DCLK3: variants seen among roughly 807,000 people sequenced by gnomAD.
DCLK3 encodes the protein serine/threonine-protein kinase DCLK3.
DCLK3 carries 30 observed loss-of-function variants against 46.4 expected under a neutral mutation model. That is an observed-to-expected ratio of 0.65 (90% CI 0.48 to 0.88). The LOEUF is 0.88. Ranked by LOEUF, DCLK3 falls within the 40% of genes least tolerant of loss-of-function variation. DCLK3 has a pLI of 0.00. For missense variants in DCLK3, 846 were observed against 907.1 expected, an observed-to-expected ratio of 0.93 and a Z score of 0.87; for synonymous variants, 401 against 339.2, an observed-to-expected ratio of 1.18 and a Z score of -2.00.
rs569835412 is a variant in DCLK3 at position 36,761,333 on chromosome 3, G to A, written c.82+2849C>T. On this transcript the variant is annotated intron_variant, in intron 1 of 4. Coordinates refer to ENST00000636136, the MANE Select transcript of DCLK3 (RefSeq NM_001394672.2). ...CTGAACAATTGCTATTAAATGAATG[G>A]TGAAGATACTGAGGTTCCTAGAGAA... Among the ~76,000 whole-genome samples, 13 of 152,234 alleles carry A rather than the reference G, an allele frequency of 8.5e-5. No homozygotes were observed. The South Asian group carries it at 2.5e-3, about 29-fold the overall frequency.
intron 2 of DCLK3, among the ~76,000 whole-genome samples, chr3:36,736,946 G>C (rs932906756): frequency 2.0e-5 from 3 of 152,156 alleles, no homozygotes; most frequent in African/African-American, 7.2e-5. Context: ...CAAGACAAAA[G>C]CATTTTTCTC....
intron 3 of DCLK3, among the ~76,000 whole-genome samples, chr3:36,719,754 A>G (rs1387986193): frequency 6.6e-6 from 1 of 152,230 alleles, no homozygotes; most frequent in Admixed American, 6.5e-5. Context: ...CCATCCTGAT[A>G]TCGCTACAAA....
intron 1 of DCLK3, among the ~76,000 whole-genome samples, chr3:36,760,467 G>T (rs1701528703): frequency 6.8e-6 from 1 of 147,492 alleles, no homozygotes; most frequent in African/African-American, 2.5e-5. Flanking sequence ...CACACACCGG[G>T]ACCTGTTGTG....
At chr3:36,733,102 C>T (rs1451735509) in intron 2 of DCLK3, among the ~76,000 whole-genome samples, 1 of 152,186 alleles carries the variant, frequency 6.6e-6, no homozygotes, top group African/African-American at 2.4e-5. Context: ...CTTCCTAGAA[C>T]CAGCAGGAGG....
rs1274458490 is a variant in DCLK3, at chr3:36,738,393, C to T, written c.774G>A (p.Ala258=). ...CCCTCCCCCACTTCTTCTGGGTCCT[C>T]GCTCTGTCATCTAGTGAAAGCTCCT... ...IPEELSLDDR[A]RTQKKWGRGK... is the part of the protein sequence containing the mutation. Residue 258 remains alanine (A), a synonymous_variant, in exon 2 of 5, where the codon GCG becomes GCA. Transcript: ENST00000636136. 14 of 1,495,832 alleles carry T rather than the reference C, an allele frequency of 9.4e-6. No homozygotes were observed. The highest frequency in any genetic ancestry group is 2.4e-5 in the Admixed American group (1 of 40,820). 92.7% of individuals were successfully genotyped at this position (1,495,832 alleles called of 1,614,324 possible).
chr3:36,723,964 C>T (rs1701094561), intron 2 of DCLK3, among the ~76,000 whole-genome samples: 1 of 152,174 alleles, frequency 6.6e-6, no homozygotes, highest in South Asian at 2.1e-4. Flanking sequence ...TACCATGCAC[C>T]TAGAAAAGCC....
At chr3:36,734,782 T>C (rs1280455707) in intron 2 of DCLK3, among the ~76,000 whole-genome samples, 2 of 152,114 alleles carry the variant, frequency 1.3e-5, no homozygotes, top group Non-Finnish European at 2.9e-5. Flanking sequence ...AACATGCATG[T>C]ACTGACATTT....
chr3:36,753,293 A>C (rs1701459463), intron 1 of DCLK3, among the ~76,000 whole-genome samples: 1 of 152,192 alleles, frequency 6.6e-6, no homozygotes, highest in Non-Finnish European at 1.5e-5. Flanking sequence ...TCCCAATAGA[A>C]TAAAAATCCA....
intron 2 of DCLK3, among the ~76,000 whole-genome samples, chr3:36,724,513 G>A (rs1701101351): frequency 6.6e-6 from 1 of 151,892 alleles, no homozygotes; most frequent in African/African-American, 2.4e-5. Flanking sequence ...CCCACATGTT[G>A]TGGGAGGAAC....
rs1701310548 is a variant in DCLK3 at position 36,739,024 on chromosome 3, T to C, written c.143A>G (p.Lys48Arg). Residue 48 changes from lysine to arginine, a missense_variant, in exon 2 of 5, where the codon AAG becomes AGG. By Grantham distance (26) the Lys-to-Arg change is conservative. Coordinates refer to ENST00000636136, the MANE Select transcript of DCLK3 (RefSeq NM_001394672.2). Reference sequence around the variant, plus strand: ...GGCAGGCAGCCAGGAGCCTTGCAGCTTCCGCTCTGTGATTCTCGAGCTTAA... The same window carrying C: ...GGCAGGCAGCCAGGAGCCTTGCAGCCTCCGCTCTGTGATTCTCGAGCTTAA... ...KYLSSRITER[K>R]LQGSWLPASR... 1 of 398,932 alleles carries C rather than the reference T, an allele frequency of 2.5e-6. No homozygotes were observed. The highest frequency in any genetic ancestry group is 1.3e-4 in the South Asian group (1 of 7,854). The allele number at this position is 398,932 out of a possible 1,614,324, so 24.7% of individuals were successfully genotyped here.
intron 2 of DCLK3, among the ~76,000 whole-genome samples, chr3:36,725,327 G>A (rs933728958): frequency 1.9e-4 from 28 of 149,962 alleles, no homozygotes; most frequent in African/African-American, 6.6e-4. Flanking sequence ...AAAAAAAAAC[G>A]GGGGGTGGGG....
Position 36,718,231 on chromosome 3 carries a change from G to T in DCLK3, c.2093-54C>A, listed in dbSNP as rs750016832. ...AAACCTGAGACCAGGCAGGGTCAAAGGTGATGAAATAAATGATGGAGTATT... is the reference window on the plus strand; with the variant it reads ...AAACCTGAGACCAGGCAGGGTCAAATGTGATGAAATAAATGATGGAGTATT... On this transcript the variant is annotated intron_variant, in intron 3 of 4. Coordinates refer to ENST00000636136, the MANE Select transcript of DCLK3 (RefSeq NM_001394672.2). 8.7e-6 allele frequency: 14 copies of T among 1,607,468 alleles called. No individual in the cohort carries two copies. The African/African-American group carries it at 1.3e-4, about 15-fold the overall frequency.
intron 1 of DCLK3, among the ~76,000 whole-genome samples, chr3:36,750,348 C>T (rs746052349): frequency 1.6e-4 from 25 of 152,208 alleles, no homozygotes; most frequent in Non-Finnish European, 2.5e-4. Flanking sequence ...TCCCAAAGCG[C>T]TGGGATTACA....
At chr3:36,746,448 C>T (rs1466576692) in intron 1 of DCLK3, among the ~76,000 whole-genome samples, 1 of 152,190 alleles carries the variant, frequency 6.6e-6, no homozygotes, top group Non-Finnish European at 1.5e-5. Flanking sequence ...ACTTTTAAAG[C>T]TTATCCCTGA....
intron 3 of DCLK3, among the ~76,000 whole-genome samples, chr3:36,720,877 C>T (rs945257105): frequency 7.9e-5 from 12 of 152,176 alleles, no homozygotes; most frequent in African/African-American, 2.9e-4. Flanking sequence ...CTCCCTGTCA[C>T]CAACCCTGCA....
chr3:36,738,017 T>C lies in DCLK3; in HGVS notation c.1150A>G (p.Arg384Gly). The C allele has an allele frequency of 6.2e-7, 1 of 1,614,186 alleles. No individual in the cohort carries two copies. The highest frequency in any genetic ancestry group is 8.5e-7 in the Non-Finnish European group (1 of 1,180,024). The change falls in exon 2 of 5, where the codon AGG becomes GGG. Residue 384 changes from arginine (R) to glycine (G), a missense_variant. Around this residue, in one of 3 missense-constraint regions of DCLK3, gnomAD observed 553 missense variants for 543.0 expected, o/e 1.02. Transcript: ENST00000636136. ...SSPRNPTQEL[R>G]RPSKSMDKKE... ...TTGTCCATGCTCTTGCTGGGTCTCCTCAGCTCTTGAGTGGGATTCCTGGGG... is the reference window on the plus strand; with the variant it reads ...TTGTCCATGCTCTTGCTGGGTCTCCCCAGCTCTTGAGTGGGATTCCTGGGG...
chr3:36,734,277 C>G (rs756228750), intron 2 of DCLK3, among the ~76,000 whole-genome samples: 19 of 152,138 alleles, frequency 1.2e-4, no homozygotes, highest in African/African-American at 4.3e-4. Flanking sequence ...AACCAAAAAG[C>G]GCTGACATCA....
Position 36,737,626 on chromosome 3 carries a change from A to C in DCLK3, c.1541T>G (p.Met514Arg). ...ERPSGRKPRP[M>R]GIIAANVEKH... is the part of the protein sequence containing the mutation. ...TTCCACATTGGCGGCAATGATGCCC[A>C]TGGGCCGTGGCTTCCGACCGCTGGG... Residue 514 changes from methionine (M) to arginine (R), a missense_variant, in exon 2 of 5, where the codon ATG becomes AGG. Physicochemically the swap from Met to Arg is moderately conservative, Grantham distance 91. Coordinates refer to ENST00000636136, the MANE Select transcript of DCLK3 (RefSeq NM_001394672.2). The surrounding 1 kb of genome is among the most constrained non-coding windows in gnomAD (Gnocchi z 4.4). The C allele has an allele frequency of 6.2e-7, 1 of 1,614,108 alleles. No individual in the cohort carries two copies. The highest frequency in any genetic ancestry group is 8.5e-7 in the Non-Finnish European group (1 of 1,180,018).
Position 36,715,208 on chromosome 3 carries a change from C to T in DCLK3, c.*120G>A. 1 of 1,099,536 alleles carries T rather than the reference C, an allele frequency of 9.1e-7. No homozygotes were observed. Among genetic ancestry groups the T allele is most frequent in the Non-Finnish European group, 1.3e-6 (1 of 790,028 alleles). 68.1% of individuals were successfully genotyped at this position (1,099,536 alleles called of 1,614,324 possible). A position where few individuals can be genotyped will look rare whatever the true frequency, so the allele number is the denominator to read the frequency against. ...ATATGCTTTAAAATATACTCAGTGTCTCTCCCTCTGATTCACCAATTATGT... is the reference window on the plus strand; with the variant it reads ...ATATGCTTTAAAATATACTCAGTGTTTCTCCCTCTGATTCACCAATTATGT... On this transcript the variant is annotated 3_prime_UTR_variant, in exon 5 of 5. Transcript: ENST00000636136.
Sources: allele counts gnomAD v4.1 joint callset (sites outside exome capture counted in the v4.1 genomes callset), GRCh38; gene constraint gnomAD v4.1.1; regional missense constraint gnomAD v4.1.1; non-coding constraint Gnocchi (gnomAD v3.1); transcripts MANE v1.5; gene names NCBI Gene and HGNC (gene_info 2026-07-23, HGNC 2026-07-21).